Variants in SUPT16H observed in about 807,000 individuals in gnomAD.
SUPT16H encodes FACT complex subunit SPT16.
A neutral mutation model predicts 136.2 loss-of-function variants in SUPT16H; 24 were observed. The observed-to-expected ratio is 0.18, with a 90% confidence interval of 0.13 to 0.25. The LOEUF (loss-of-function observed/expected upper bound fraction) is 0.25, where lower values mean the gene tolerates loss of function less well. Ranked by LOEUF, SUPT16H falls within the 10% of genes least tolerant of loss-of-function variation. The pLI is 1.00. For missense variants in SUPT16H, 623 were observed against 1,270.2 expected, an observed-to-expected ratio of 0.49 and a Z score of 7.74; for synonymous variants, 415 against 428.2, an observed-to-expected ratio of 0.97 and a Z score of 0.38.
intron 5 of SUPT16H, 66 bp from the exon 6 acceptor site, chr14:21,369,421 T>G: frequency 6.3e-7 from 1 of 1,585,074 alleles, no homozygotes. Context: ...GTGTGGACAC[T>G]ATGATTTGAA....
chr14:21,357,097 T>C, intron 22 of SUPT16H, 100 bp downstream of exon 22: 3 of 1,242,154 alleles, frequency 2.4e-6, no homozygotes, highest in Non-Finnish European at 3.2e-6. Flanking sequence ...GCAGTCTCAC[T>C]TTAAGTATAT....
At chr14:21,358,189 T>A in intron 20 of SUPT16H, 126 bp downstream of exon 20, 2 of 808,098 alleles carry the variant, frequency 2.5e-6, no homozygotes, top group Non-Finnish European at 1.9e-6. Context: ...AAAAAATGGA[T>A]GTCTCAAAGA....
At chr14:21,364,755 A>G in intron 10 of SUPT16H, 72 bp downstream of exon 10, 1 of 1,379,584 alleles carries the variant, frequency 7.2e-7, no homozygotes, top group Non-Finnish European at 1.0e-6. Context: ...AGCAAGAAAA[A>G]AACCACAGGG....
At chr14:21,379,492 A>AT (rs1448115154) in intron 1 of SUPT16H, among the ~76,000 whole-genome samples, 4 of 151,612 alleles carry the variant, frequency 2.6e-5, no homozygotes, top group African/African-American at 7.3e-5. Flanking sequence ...AGTAAGCAAT[A>AT]TTTAAAAAAA....
intron 1 of SUPT16H, among the ~76,000 whole-genome samples, chr14:21,379,032 C>T (rs562929416): frequency 6.6e-6 from 1 of 152,244 alleles, no homozygotes; most frequent in South Asian, 2.1e-4. Context: ...AGTATTTTTG[C>T]AGTCTGGTTG....
At chr14:21,383,633 G>A (rs777185207) in intron 1 of SUPT16H, 42 of 707,784 alleles carry the variant, frequency 5.9e-5, no homozygotes, top group Middle Eastern at 2.4e-4. Context: ...GACCAAGGCT[G>A]GCACGCGGGG....
chr14:21,363,013 C>A lies in SUPT16H; in HGVS notation c.1511+21G>T, dbSNP rs768664300. On this transcript the variant is annotated intron_variant, in intron 13 of 25. Coordinates refer to ENST00000216297, the MANE Select transcript of SUPT16H (RefSeq NM_007192.4). ...CCCACAGAACCCTCAGATGATCTCA[C>A]TGCTCAGTGAAAACTCTTACTTCTG... is the stretch of plus-strand genomic sequence containing the variant. 5 of 1,613,922 alleles carry A rather than the reference C, an allele frequency of 3.1e-6. No homozygotes were observed. In the South Asian group the frequency reaches 3.3e-5, roughly 11 times the overall value.
chr14:21,355,401 G>C (rs1321225781), intron 22 of SUPT16H, among the ~76,000 whole-genome samples: 1 of 151,704 alleles, frequency 6.6e-6, no homozygotes, highest in African/African-American at 2.4e-5. Flanking sequence ...GCTGAAGCAG[G>C]AGAATCGCTT....
rs772430339 is a variant in SUPT16H at position 21,383,979 on chromosome 14, C to T, written c.-52G>A. On this transcript the variant is annotated 5_prime_UTR_variant, in exon 1 of 26. Transcript: ENST00000216297. ...TTCCGAGAATCACGCGAGGTCCCGG[C>T]TCAGCCACCCGCTCTCGGCCCAGGA... 4 of 1,605,698 alleles carry T rather than the reference C, an allele frequency of 2.5e-6. No individual in the cohort carries two copies. Among genetic ancestry groups the T allele is most frequent in the Non-Finnish European group, 2.6e-6 (3 of 1,174,228 alleles).
chr14:21,362,168 T>G (rs1225408703), intron 15 of SUPT16H, 29 bp downstream of exon 15: 1 of 1,603,728 alleles, frequency 6.2e-7, no homozygotes, highest in East Asian at 2.2e-5. Context: ...ACAAGATGAA[T>G]CTGGGTATGA....
intron 4 of SUPT16H, 77 bp downstream of exon 4, chr14:21,370,259 T>G: frequency 6.6e-7 from 1 of 1,521,992 alleles, no homozygotes; most frequent in Non-Finnish European, 8.9e-7. Flanking sequence ...ACAAACGTCC[T>G]GCACTATCTG....
Position 21,354,428 on chromosome 14 carries a change from G to A in SUPT16H, c.2773C>T (p.Leu925=), listed in dbSNP as rs1325054259. 3 of 1,614,004 alleles carry A rather than the reference G, an allele frequency of 1.9e-6. No individual in the cohort carries two copies. The highest frequency in any genetic ancestry group is 1.1e-5 in the South Asian group (1 of 91,076). ...TCACGCACCTCACCCTCAGGCTCCA[G>A]GAAAGACCAGCCACCTTGTTCGAAG... ...GFFEQGGWSF[L]EPEGEGSDAE... Residue 925 remains leucine, a synonymous_variant, in exon 23 of 26, where the codon CTG becomes TTG. Transcript: ENST00000216297.
At chr14:21,357,484 TTTTTTTTTGAAAGAC>T in intron 21 of SUPT16H, 118 bp from the exon 22 acceptor site, 1 of 1,135,674 alleles carries the variant, frequency 8.8e-7, no homozygotes, top group Non-Finnish European at 1.2e-6. Context: ...GTTTTTTGGT[TTTTTTTTTGAAAGAC>T]TGAGGCAGTA....
chr14:21,381,695 A>T (rs1232527485), intron 1 of SUPT16H, among the ~76,000 whole-genome samples: 1 of 151,850 alleles, frequency 6.6e-6, no homozygotes, highest in Admixed American at 6.6e-5. Flanking sequence ...CTGCAGCCTC[A>T]AACTCCTGGG....
At position 21,368,423 on chromosome 14, in the gene SUPT16H, G is replaced by T. The variant is rs1441776635; in HGVS notation, c.801C>A (p.His267Gln). 6.2e-7 allele frequency: 1 copy of T among 1,610,626 alleles called. No individual in the cohort carries two copies. The highest frequency in any genetic ancestry group is 8.5e-7 in the Non-Finnish European group (1 of 1,179,000). The change falls in exon 7 of 26, where the codon CAC (histidine) becomes CAA (glutamine). Residue 267 changes from histidine (H) to glutamine (Q), a missense_variant. By Grantham distance (24) the His-to-Gln change is conservative. Coordinates refer to ENST00000216297, the MANE Select transcript of SUPT16H (RefSeq NM_007192.4). The part of the protein sequence containing the change: ...FSVVSDKNHM[H>Q]FGAITCAMGI... ...CCATGGCACAAGTGATAGCCCCAAA[G>T]TGCATATGATTCTTGTCACTAGAGA...
At chr14:21,381,605 TTTA>T (rs1347451944) in intron 1 of SUPT16H, among the ~76,000 whole-genome samples, 5 of 30,910 alleles carry the variant, frequency 1.6e-4, no homozygotes, top group Non-Finnish European at 5.6e-4. Context: ...AGGCTTGGGA[TTTA>T]TTTTTTTTTT....
At chr14:21,361,477 C>A (rs562656354) in intron 15 of SUPT16H, 1 of 487,808 alleles carries the variant, frequency 2.0e-6, no homozygotes, top group South Asian at 2.1e-5. Flanking sequence ...CCACCATGCC[C>A]GGCTAGTTTT....
rs182109901 is a variant in SUPT16H at position 21,359,671 on chromosome 14, T to C, written c.2176-62A>G. On this transcript the variant is annotated intron_variant, in intron 18 of 25. Transcript: ENST00000216297. ...AACACAAAGGTATCTGTGATGGAAATGGCAGTGATCCAAACTTGGGCCTCC... is the reference window on the plus strand; with the variant it reads ...AACACAAAGGTATCTGTGATGGAAACGGCAGTGATCCAAACTTGGGCCTCC... 2,004 of 1,575,964 alleles carry C rather than the reference T, an allele frequency of 1.3e-3. 9 individuals are homozygous for C. Among genetic ancestry groups the C allele is most frequent in the South Asian group, 3.0e-3 (250 of 84,690 alleles).
intron 18 of SUPT16H, 117 bp downstream of exon 18, chr14:21,360,298 G>A (rs1886523765): frequency 2.7e-6 from 2 of 753,696 alleles, no homozygotes; most frequent in African/African-American, 1.8e-5. Flanking sequence ...AAAGTGCTGG[G>A]ATTGTGGGCA....
Sources: allele counts gnomAD v4.1 joint callset (sites outside exome capture counted in the v4.1 genomes callset), GRCh38; gene constraint gnomAD v4.1.1; transcripts MANE v1.5; gene names NCBI Gene and HGNC (gene_info 2026-07-23, HGNC 2026-07-21).